LAMA1: variants seen among roughly 807,000 people sequenced by gnomAD.
The protein encoded by LAMA1 is laminin subunit alpha-1.
LAMA1 carries 219 observed loss-of-function variants against 348.7 expected under a neutral mutation model. That is an observed-to-expected ratio of 0.63 (90% CI 0.56 to 0.70). The LOEUF is 0.70. Ranked by LOEUF, LAMA1 falls within the 30% of genes least tolerant of loss-of-function variation. LAMA1 has a pLI of 0.00. For missense variants in LAMA1, 3,744 were observed against 3,888.0 expected, an observed-to-expected ratio of 0.96 and a Z score of 0.99; for synonymous variants, 1,487 against 1,491.0, an observed-to-expected ratio of 1.00 and a Z score of 0.06.
At chr18:6,949,799 T>C (rs2057538241) in intron 58 of LAMA1, among the ~76,000 whole-genome samples, 2 of 152,190 alleles carry the variant, frequency 1.3e-5, no homozygotes, top group African/African-American at 4.8e-5. Flanking sequence ...AAATCGCCTT[T>C]GTAAAATTAA....
intron 29 of LAMA1, 87 bp downstream of exon 29, chr18:7,007,052 G>A (rs2057835229): frequency 6.4e-7 from 1 of 1,554,442 alleles, no homozygotes; most frequent in South Asian, 1.2e-5. Context: ...CTAAACCAAG[G>A]CACGGCTATG....
In LAMA1 at chr18:6,986,284, C is replaced by A. The variant is rs1365457554; in HGVS notation, c.5232G>T (p.Glu1744Asp). The A allele has an allele frequency of 4.3e-6, 7 of 1,614,068 alleles. No homozygotes were observed. The highest frequency in any genetic ancestry group is 5.9e-6 in the Non-Finnish European group (7 of 1,180,060). The part of the protein sequence containing the change: ...ENYQKPLEEL[E>D]VLKEAASHVL... ...CGTGGCTTGCTGCTTCTTTCAATAC[C>A]TCCAATTCTTCCAGCGGCTTCTGGT... Residue 1744 changes from glutamate (E) to aspartate (D), a missense_variant, in exon 37 of 63, where the codon GAG (glutamate) becomes GAT (aspartate). Physicochemically the swap from Glu to Asp is conservative, Grantham distance 45. Coordinates refer to ENST00000389658, the MANE Select transcript of LAMA1 (RefSeq NM_005559.4).
chr18:6,978,267 G>A lies in LAMA1; in HGVS notation c.6119C>T (p.Ser2040Phe), dbSNP rs1568015483. 1 of 1,614,238 alleles carries A rather than the reference G, an allele frequency of 6.2e-7. No homozygotes were observed. Among genetic ancestry groups the A allele is most frequent in the Non-Finnish European group, 8.5e-7 (1 of 1,180,046 alleles). Residue 2040 changes from serine (S) to phenylalanine (F), a missense_variant, in exon 43 of 63, where the codon TCT (serine) becomes TTT (phenylalanine). Physicochemically the swap from Ser to Phe is radical, Grantham distance 155. Coordinates refer to ENST00000389658, the MANE Select transcript of LAMA1 (RefSeq NM_005559.4). ...GGTGTTGACCCTGGACAGGCTGGCA[G>A]ATGTGTTCAGCAGCTCCTGGCTCAG... The part of the protein sequence containing the change: ...AGLSQELLNT[S>F]ASLSRVNTTL...
chr18:6,997,684 A>C (rs1175919963), intron 33 of LAMA1, 58 bp downstream of exon 33: 1 of 1,570,300 alleles, frequency 6.4e-7, no homozygotes, highest in Non-Finnish European at 8.8e-7. Context: ...ACCATTCCCA[A>C]TGACTATATC....
chr18:6,986,085 G>T (rs2057733759), intron 37 of LAMA1, 52 bp downstream of exon 37: 3 of 1,593,218 alleles, frequency 1.9e-6, no homozygotes, highest in Non-Finnish European at 2.6e-6. Context: ...GCTTACGTTG[G>T]AGTATTTTGT....
At position 7,092,006 on chromosome 18, in the gene LAMA1, T is replaced by C. The variant is rs141567092; in HGVS notation, c.62-11549A>G. Among the ~76,000 whole-genome samples, 237 of 152,286 alleles carry C rather than the reference T, an allele frequency of 1.6e-3. 2 individuals carry two copies. Among genetic ancestry groups the C allele is most frequent in the African/African-American group, 5.4e-3 (226 of 41,566 alleles). ...GTCATCTTACAGACAAAGAAATCAT[T>C]TGAGTTACGTTTTACCTTATGCACC... On this transcript the variant is annotated intron_variant, in intron 1 of 62. Coordinates refer to ENST00000389658, the MANE Select transcript of LAMA1 (RefSeq NM_005559.4).
Position 7,034,540 on chromosome 18 carries a change from CAA to C in LAMA1, c.1988_1989del (p.Leu663ArgfsTer33). The C allele has an allele frequency of 6.2e-7, 1 of 1,614,120 alleles. No individual in the cohort carries two copies. Among genetic ancestry groups the C allele is most frequent in the Non-Finnish European group, 8.5e-7 (1 of 1,180,040 alleles). On this transcript the variant is annotated frameshift_variant, in exon 14 of 63. Coordinates refer to ENST00000389658, the MANE Select transcript of LAMA1 (RefSeq NM_005559.4). LOFTEE classifies it high-confidence loss of function. Reference protein sequence around the residue: ...QIDRDQLMTVLANVTHLLIRA... With the variant: ...QIDRDQLMTVXANVTHLLIRA... ...CTGATCAAAAGATGTGTCACATTGG[CAA>C]GGACAGTCATCAGCTGGTCACGATC...
intron 48 of LAMA1, 45 bp from the exon 49 acceptor site, chr18:6,966,342 AG>A: frequency 6.4e-7 from 1 of 1,570,056 alleles, no homozygotes; most frequent in Non-Finnish European, 8.7e-7. Context: ...TCAGGAGGGT[AG>A]AAAGAACCAA....
chr18:7,040,027 C>T (rs2058013402), intron 10 of LAMA1, 49 bp downstream of exon 10: 2 of 1,606,600 alleles, frequency 1.2e-6, no homozygotes, highest in Non-Finnish European at 1.7e-6. Flanking sequence ...ACTCCTTTTC[C>T]AGAGAAGCTC....
chr18:6,945,737 G>C lies in LAMA1; in HGVS notation c.8844+1426C>G, dbSNP rs1418562675. Among the ~76,000 whole-genome samples, 3 of 152,092 alleles carry C rather than the reference G, an allele frequency of 2.0e-5. No individual in the cohort carries two copies. The East Asian group carries it at 5.8e-4, about 30-fold the overall frequency. On this transcript the variant is annotated intron_variant, in intron 61 of 62. Transcript: ENST00000389658. ...AGGTGGCACTACTCATGACAACCAGGATGAGAAGCCTGAGCTGAAATGGAC... is the reference window on the plus strand; with the variant it reads ...AGGTGGCACTACTCATGACAACCAGCATGAGAAGCCTGAGCTGAAATGGAC...
chr18:6,987,992 TAGTCCC>T (rs1568020039), intron 36 of LAMA1, among the ~76,000 whole-genome samples: 2 of 152,132 alleles, frequency 1.3e-5, no homozygotes, highest in Non-Finnish European at 2.9e-5. Context: ...TGCGTGCCTG[TAGTCCC>T]AGCTACCCAG....
intron 1 of LAMA1, among the ~76,000 whole-genome samples, chr18:7,116,182 C>T (rs549605639): frequency 2.6e-5 from 4 of 152,288 alleles, no homozygotes; most frequent in East Asian, 1.9e-4. Context: ...AAGTGCCGAG[C>T]CCCGAGGGGC....
intron 17 of LAMA1, among the ~76,000 whole-genome samples, chr18:7,024,807 G>T (rs2057935170): frequency 6.6e-6 from 1 of 152,170 alleles, no homozygotes; most frequent in Non-Finnish European, 1.5e-5. Flanking sequence ...CAGGAGGCCT[G>T]CTCGGGTGCT....
intron 1 of LAMA1, among the ~76,000 whole-genome samples, chr18:7,106,461 G>T (rs1012410796): frequency 1.3e-5 from 2 of 151,592 alleles, no homozygotes; most frequent in Non-Finnish European, 2.9e-5. Flanking sequence ...CTGGGTTCAA[G>T]TGATTCTCCT....
intron 3 of LAMA1, among the ~76,000 whole-genome samples, chr18:7,061,231 C>T (rs1217083074): frequency 6.6e-6 from 1 of 152,200 alleles, no homozygotes; most frequent in Non-Finnish European, 1.5e-5. Flanking sequence ...GTCTTCCCTT[C>T]CTAGTCTCGA....
intron 5 of LAMA1, among the ~76,000 whole-genome samples, chr18:7,047,084 A>T (rs545082192): frequency 8.3e-5 from 12 of 144,822 alleles, no homozygotes; most frequent in African/African-American, 3.1e-4. Context: ...TCGGTCTATC[A>T]CCCAGGCTGG....
At chr18:7,066,433 G>A (rs1011139267) in intron 3 of LAMA1, among the ~76,000 whole-genome samples, 9 of 152,020 alleles carry the variant, frequency 5.9e-5, no homozygotes, top group African/African-American at 1.9e-4. Context: ...GAGTCAAATC[G>A]GTTCTTTCTC....
rs533780112 is a variant in LAMA1, at chr18:6,963,168, C to T, written c.7338-1109G>A. On this transcript the variant is annotated intron_variant, in intron 51 of 62. Transcript: ENST00000389658. ...AGATCTCAATTTCTTTCCATGTAAACGAGGAGGCTGGCTTTGATGACACCT... is the reference window on the plus strand; with the variant it reads ...AGATCTCAATTTCTTTCCATGTAAATGAGGAGGCTGGCTTTGATGACACCT... 4.6e-5 allele frequency among the ~76,000 whole-genome samples: 7 copies of T among 152,076 alleles called. No homozygotes were observed. The South Asian group carries it at 6.2e-4, about 14-fold the overall frequency.
chr18:7,029,129 G>C (rs1378542688), intron 16 of LAMA1, among the ~76,000 whole-genome samples: 1 of 152,128 alleles, frequency 6.6e-6, no homozygotes, highest in Non-Finnish European at 1.5e-5. Flanking sequence ...GTTTTACTTA[G>C]GGTTATCCTA....
Sources: allele counts gnomAD v4.1 joint callset (sites outside exome capture counted in the v4.1 genomes callset), GRCh38; gene constraint gnomAD v4.1.1; transcripts MANE v1.5; gene names NCBI Gene and HGNC (gene_info 2026-07-23, HGNC 2026-07-21).